The following GRIP1 variants were observed in gnomAD, a reference collection of about 807,000 sequenced individuals.
GRIP1 encodes glutamate receptor interacting protein 1.
Under a neutral mutation model 129.9 loss-of-function variants are expected in GRIP1, and 45 were observed. The ratio of observed to expected loss-of-function variants is 0.35; its 90% CI spans 0.27 to 0.44. The LOEUF (loss-of-function observed/expected upper bound fraction) is 0.44, where lower values mean the gene tolerates loss of function less well. GRIP1 is among the 20% of genes least tolerant of loss of function. The pLI is 1.00. For synonymous variants in GRIP1, 530 were observed against 520.8 expected, an observed-to-expected ratio of 1.02 and a Z score of -0.24; for missense variants, 1,196 against 1,396.8, an observed-to-expected ratio of 0.86 and a Z score of 2.29.
intron 1 of GRIP1, among the ~76,000 whole-genome samples, chr12:66,723,300 CTTTCTTTTTTTTTTT>C (rs2036144909): frequency 7.0e-5 from 3 of 42,564 alleles, no homozygotes; most frequent in African/African-American, 2.5e-4. Flanking sequence ...TTCTTTCTTT[CTTTCTTTTTTTTTTT>C]TTTTTTTTTT....
At chr12:66,968,300 A>C (rs1478578559) in intron 1 of GRIP1, among the ~76,000 whole-genome samples, 2 of 152,114 alleles carry the variant, frequency 1.3e-5, no homozygotes, top group African/African-American at 2.4e-5. Flanking sequence ...ATACTGTATA[A>C]TTCTCCATCC....
intron 1 of GRIP1, among the ~76,000 whole-genome samples, chr12:66,770,667 G>A (rs1349904388): frequency 3.3e-5 from 5 of 152,144 alleles, no homozygotes; most frequent in Admixed American, 1.3e-4. Flanking sequence ...TAAGCCAAAC[G>A]GGTCAGGGAT....
intron 1 of GRIP1, among the ~76,000 whole-genome samples, chr12:67,012,552 CT>C (rs1471129738): frequency 2.0e-5 from 3 of 152,180 alleles, no homozygotes; most frequent in Admixed American, 6.6e-5. Context: ...AACTCCCTAT[CT>C]TGTGACAAGA....
At chr12:66,714,970 C>G (rs967087007) in intron 1 of GRIP1, among the ~76,000 whole-genome samples, 2 of 151,850 alleles carry the variant, frequency 1.3e-5, no homozygotes, top group Admixed American at 6.6e-5. Flanking sequence ...TACATCCATC[C>G]AACCCATCAG....
intron 15 of GRIP1, among the ~76,000 whole-genome samples, chr12:66,413,666 T>A (rs1029130863): frequency 1.3e-5 from 2 of 152,190 alleles, no homozygotes; most frequent in Non-Finnish European, 2.9e-5. Context: ...TTCAGGCTCA[T>A]ATTCTTGATA....
intron 1 of GRIP1, among the ~76,000 whole-genome samples, chr12:66,976,753 CAA>C (rs961581023): frequency 1.3e-5 from 2 of 152,078 alleles, no homozygotes; most frequent in African/African-American, 4.8e-5. Context: ...TGTGTCTGGC[CAA>C]AAGAGTATTT....
At chr12:66,958,696 T>C (rs1417510233) in intron 1 of GRIP1, among the ~76,000 whole-genome samples, 2 of 152,360 alleles carry the variant, frequency 1.3e-5, no homozygotes, top group East Asian at 3.9e-4. Flanking sequence ...TAAACTGTAA[T>C]ACCATCTATT....
intron 1 of GRIP1, among the ~76,000 whole-genome samples, chr12:66,990,773 T>C (rs957243239): frequency 6.6e-6 from 1 of 152,096 alleles, no homozygotes; most frequent in Non-Finnish European, 1.5e-5. Context: ...GGTGAGTGGA[T>C]GACCTGAAGT....
intron 1 of GRIP1, among the ~76,000 whole-genome samples, chr12:66,904,231 G>A (rs2040890876): frequency 6.6e-6 from 1 of 152,218 alleles, no homozygotes; most frequent in African/African-American, 2.4e-5. Flanking sequence ...TCTTAGTAGA[G>A]ACGTTTTCAA....
intron 1 of GRIP1, among the ~76,000 whole-genome samples, chr12:66,917,961 C>G (rs1592343062): frequency 6.6e-6 from 1 of 151,972 alleles, no homozygotes; most frequent in South Asian, 2.1e-4. Context: ...CACACACACA[C>G]ACACACACAC....
intron 1 of GRIP1, among the ~76,000 whole-genome samples, chr12:66,754,659 T>C (rs757998666): frequency 3.3e-5 from 5 of 152,202 alleles, no homozygotes; most frequent in Non-Finnish European, 7.3e-5. Flanking sequence ...CACTCAGAGC[T>C]GATACCATTA....
intron 7 of GRIP1, among the ~76,000 whole-genome samples, chr12:66,467,975 T>C (rs935111969): frequency 6.6e-6 from 1 of 152,232 alleles, no homozygotes; most frequent in Non-Finnish European, 1.5e-5. Context: ...AAAGTTTCTA[T>C]ATTACTTATT....
chr12:66,587,359 G>GT (rs1290301543), intron 2 of GRIP1, among the ~76,000 whole-genome samples: 4 of 152,220 alleles, frequency 2.6e-5, no homozygotes, highest in African/African-American at 9.6e-5. Flanking sequence ...GAGGCCTCAG[G>GT]TTTTCTATCT....
At chr12:66,531,292 T>G (rs2061454450) in intron 4 of GRIP1, among the ~76,000 whole-genome samples, 1 of 63,258 alleles carries the variant, frequency 1.6e-5, no homozygotes, top group African/African-American at 7.7e-5. Context: ...TATATATATA[T>G]ATATATATAT....
At chr12:66,580,416 T>G (rs989685345) in intron 2 of GRIP1, among the ~76,000 whole-genome samples, 1 of 151,470 alleles carries the variant, frequency 6.6e-6, no homozygotes, top group Admixed American at 6.6e-5. Flanking sequence ...AATATTAACT[T>G]TAAATGTAAA....
chr12:66,468,502 G>C (rs887012401), intron 7 of GRIP1, among the ~76,000 whole-genome samples: 5 of 152,136 alleles, frequency 3.3e-5, no homozygotes, highest in African/African-American at 1.2e-4. Context: ...ATAAGAAGTG[G>C]CTATTTAAAG....
rs565684329 is a variant in GRIP1 at position 67,060,938 on chromosome 12, G to C, written c.58+8112C>G. ...GAGAATAATGATCTTTTGGATATTG[G>C]GTTGTCAGAAGCCTGGACTGAAAGA... On this transcript the variant is annotated intron_variant, in intron 1 of 1. Transcript: ENST00000643019. Among the ~76,000 whole-genome samples the C allele has an allele frequency of 2.2e-3, 329 of 152,218 alleles. 1 individual carries two copies. Among genetic ancestry groups the C allele is most frequent in the African/African-American group, 7.5e-3 (311 of 41,510 alleles).
chr12:66,802,693 G>C (rs989145341), intron 1 of GRIP1, among the ~76,000 whole-genome samples: 4 of 152,090 alleles, frequency 2.6e-5, no homozygotes, highest in African/African-American at 9.7e-5. Context: ...CAAAAAATCT[G>C]TACAATGTCT....
chr12:66,790,614 T>C (rs1486421853), intron 1 of GRIP1, among the ~76,000 whole-genome samples: 1 of 152,014 alleles, frequency 6.6e-6, no homozygotes, highest in Non-Finnish European at 1.5e-5. Flanking sequence ...ACGTAAGGAA[T>C]GAGAAATGAA....
Sources: gnomAD v4.1 joint callset for allele counts (sites outside exome capture counted in the v4.1 genomes callset) on GRCh38, gnomAD v4.1.1 for gene constraint, MANE v1.5 for transcripts, NCBI Gene and HGNC (gene_info 2026-07-23, HGNC 2026-07-21) for gene names.